PHF24: variants seen among roughly 807,000 people sequenced by gnomAD.
PHF24 encodes the protein PHD finger protein 24, also known as Galpha inhibitory interacting protein.
PHF24 carries 25 observed loss-of-function variants against 42.6 expected under a neutral mutation model. The observed-to-expected ratio is 0.59, with a 90% CI of 0.43 to 0.82. PHF24 has a LOEUF of 0.82. Among genes scored for constraint, PHF24 ranks in the 40% least tolerant of loss-of-function variants. The pLI is 0.00. For synonymous variants in PHF24, 185 were observed against 204.8 expected (o/e 0.90, Z 0.83); for missense variants, 470 against 538.1 (o/e 0.87, Z 1.25).
chr9:34,964,398 A>G (rs1288160146), intron 1 of PHF24, among the ~76,000 whole-genome samples: 1 of 152,212 alleles, frequency 6.6e-6, no homozygotes, highest in East Asian at 1.9e-4. Context: ...CTGAAAACAT[A>G]AATTTTAAGA....
chr9:34,836,286 C>T, the PHF24 span, among the ~76,000 whole-genome samples: 71 of 152,234 alleles, frequency 4.7e-4, no homozygotes, highest in Admixed American at 1.2e-3. Context: ...AAGGGCATGG[C>T]CCTCAGAGAA....
chr9:34,775,342 A>C, the PHF24 span, among the ~76,000 whole-genome samples: 1 of 152,210 alleles, frequency 6.6e-6, no homozygotes, highest in Non-Finnish European at 1.5e-5. Flanking sequence ...GAATAGCCAA[A>C]TTCATAGAGA....
chr9:34,846,355 G>A, the PHF24 span, among the ~76,000 whole-genome samples: 1 of 151,502 alleles, frequency 6.6e-6, no homozygotes, highest in Non-Finnish European at 1.5e-5. Context: ...GCCAGTGATG[G>A]TGAGCATTTT....
chr9:34,799,585 T>C, the PHF24 span, among the ~76,000 whole-genome samples: 1 of 152,178 alleles, frequency 6.6e-6, no homozygotes, highest in Admixed American at 6.5e-5. Flanking sequence ...ATTGACACTT[T>C]CCCTTTTTTG....
chr9:34,893,056 T>C, the PHF24 span: 1 of 952,934 alleles, frequency 1.0e-6, no homozygotes, highest in Non-Finnish European at 1.6e-6. Flanking sequence ...CTGCCAGCAA[T>C]TGCTTAATCT....
chr9:34,725,724 G>A, the PHF24 span: 27 of 1,547,060 alleles, frequency 1.7e-5, no homozygotes, highest in Admixed American at 1.4e-4. Context: ...ATCTGAGCTC[G>A]TTGATGGTCA....
the PHF24 span, among the ~76,000 whole-genome samples, chr9:34,799,470 A>G: frequency 2.8e-4 from 43 of 152,202 alleles, no homozygotes; most frequent in African/African-American, 9.7e-4. Context: ...TAACTTATTA[A>G]TAATAGCTAA....
chr9:34,739,466 A>C, the PHF24 span, among the ~76,000 whole-genome samples: 2 of 152,184 alleles, frequency 1.3e-5, no homozygotes, highest in Non-Finnish European at 2.9e-5. Context: ...TAGTCACTGC[A>C]TCATTATGTG....
the PHF24 span, chr9:34,833,172 G>A: frequency 6.5e-7 from 1 of 1,547,590 alleles, no homozygotes; most frequent in Non-Finnish European, 8.7e-7. Context: ...TTTCCTGCTA[G>A]CATGGGGACA....
At chr9:34,939,137 G>A in the PHF24 span, among the ~76,000 whole-genome samples, 6 of 151,332 alleles carry the variant, frequency 4.0e-5, no homozygotes, top group Middle Eastern at 3.5e-3. Flanking sequence ...AAAACTCACC[G>A]GCCGTGGTGG....
At chr9:34,800,526 C>T in the PHF24 span, among the ~76,000 whole-genome samples, 5 of 152,038 alleles carry the variant, frequency 3.3e-5, no homozygotes, top group South Asian at 2.1e-4. Context: ...CATCTACAAC[C>T]GTCTGATCTT....
the PHF24 span, among the ~76,000 whole-genome samples, chr9:34,942,696 T>C: frequency 1.3e-5 from 2 of 152,028 alleles, no homozygotes; most frequent in Non-Finnish European, 2.9e-5. Context: ...TCATGTCCTT[T>C]ACAGGGACAT....
the PHF24 span, among the ~76,000 whole-genome samples, chr9:34,928,364 C>T: frequency 0.013 from 1,975 of 152,218 alleles, 46 homozygotes; most frequent in East Asian, 0.081. Context: ...ATACCCCATT[C>T]TCCATGATGT....
chr9:34,874,420 T>C, the PHF24 span, among the ~76,000 whole-genome samples: 2 of 152,216 alleles, frequency 1.3e-5, no homozygotes, highest in African/African-American at 4.8e-5. Context: ...ATATGCTTTT[T>C]CAATCCACTC....
At chr9:34,735,207 C>T in the PHF24 span, among the ~76,000 whole-genome samples, 1 of 146,704 alleles carries the variant, frequency 6.8e-6, no homozygotes, top group Non-Finnish European at 1.5e-5. Context: ...TCAATCTCAG[C>T]TCACTGCAAC....
the PHF24 span, among the ~76,000 whole-genome samples, chr9:34,909,244 G>C: frequency 6.6e-6 from 1 of 152,166 alleles, no homozygotes; most frequent in Admixed American, 6.5e-5. Flanking sequence ...GATTGCAAGA[G>C]CACACCGCTA....
the PHF24 span, among the ~76,000 whole-genome samples, chr9:34,938,034 T>A: frequency 6.6e-6 from 1 of 152,154 alleles, no homozygotes; most frequent in Non-Finnish European, 1.5e-5. Context: ...ATGGATGAAT[T>A]CCACAGGCAC....
the PHF24 span, among the ~76,000 whole-genome samples, chr9:34,860,945 C>CT: frequency 2.6e-5 from 4 of 152,084 alleles, no homozygotes; most frequent in Non-Finnish European, 5.9e-5. Context: ...CAATTTCTGC[C>CT]TGGGGGCATC....
At chr9:34,793,994 C>G in the PHF24 span, among the ~76,000 whole-genome samples, 1 of 151,496 alleles carries the variant, frequency 6.6e-6, no homozygotes. Flanking sequence ...TTTTCTCACT[C>G]CAGGACAGAA....
Sources: gnomAD v4.1 joint callset for allele counts (sites outside exome capture counted in the v4.1 genomes callset) on GRCh38, gnomAD v4.1.1 for gene constraint, MANE v1.5 for transcripts, NCBI Gene and HGNC (gene_info 2026-07-23, HGNC 2026-07-21) for gene names.